Variants in SLC45A4 observed in about 807,000 individuals in gnomAD.
The protein encoded by SLC45A4 is solute carrier family 45 member 4, also known as polyamine-transporter SLC45A4.
SLC45A4 carries 32 observed loss-of-function variants against 63.7 expected under a neutral mutation model. The ratio of observed to expected loss-of-function variants is 0.50; its 90% CI spans 0.38 to 0.67. The LOEUF (loss-of-function observed/expected upper bound fraction) is 0.67, where lower values mean the gene tolerates loss of function less well. SLC45A4 is among the 30% of genes least tolerant of loss of function. The pLI, the probability that SLC45A4 is intolerant of heterozygous loss-of-function variation, is 0.00. For missense variants in SLC45A4, 1,027 were observed against 1,157.7 expected, an observed-to-expected ratio of 0.89 and a Z score of 1.64; for synonymous variants, 535 against 510.0, an observed-to-expected ratio of 1.05 and a Z score of -0.66.
chr8:141,302,286 GGCTT>G lies in SLC45A4; in HGVS notation c.-401+5806_-401+5809del, dbSNP rs202178637. Among the ~76,000 whole-genome samples, 244 of 152,178 alleles carry G rather than the reference GGCTT, an allele frequency of 1.6e-3. 3 individuals carry two copies. The East Asian group carries it at 0.032, about 20-fold the overall frequency. On this transcript the variant is annotated intron_variant, in intron 1 of 8. Coordinates refer to ENST00000517878, the MANE Select transcript of SLC45A4 (RefSeq NM_001286646.2). ...TTTTTGTTTTTTAGATGGAGACAGA[GGCTT>G]GCTCTTTCGCTCAGGCTGGAGTGAA...
intron 1 of SLC45A4, among the ~76,000 whole-genome samples, chr8:141,293,575 T>C (rs1830434533): frequency 6.6e-6 from 1 of 152,200 alleles, no homozygotes; most frequent in Non-Finnish European, 1.5e-5. Context: ...CTTAGAGTGT[T>C]GGGACAAGGG....
intron 1 of SLC45A4, among the ~76,000 whole-genome samples, chr8:141,282,914 C>T (rs751873374): frequency 6.6e-6 from 1 of 152,234 alleles, no homozygotes. Flanking sequence ...AGGGGTCACA[C>T]GATGTCAGCG....
At chr8:141,258,498 G>T (rs571039522) in intron 1 of SLC45A4, among the ~76,000 whole-genome samples, 1 of 152,306 alleles carries the variant, frequency 6.6e-6, no homozygotes, top group East Asian at 1.9e-4. Flanking sequence ...CTCTCACATG[G>T]AGCATGGACT....
intron 1 of SLC45A4, among the ~76,000 whole-genome samples, chr8:141,304,317 G>A (rs987319677): frequency 4.6e-5 from 7 of 151,944 alleles, no homozygotes; most frequent in Non-Finnish European, 7.4e-5. Context: ...CCAGCACTTC[G>A]GGAGGCCCAG....
intron 2 of SLC45A4, among the ~76,000 whole-genome samples, chr8:141,247,430 T>C (rs2154614574): frequency 6.6e-6 from 1 of 152,356 alleles, no homozygotes; most frequent in African/African-American, 2.4e-5. Context: ...AGATATATTA[T>C]GTTCATGGAT....
chr8:141,220,641 C>T (rs1479529728), intron 3 of SLC45A4, among the ~76,000 whole-genome samples: 1 of 152,264 alleles, frequency 6.6e-6, no homozygotes, highest in African/African-American at 2.4e-5. Flanking sequence ...ACAGACACAC[C>T]TGTCCGTGGG....
At chr8:141,236,835 AC>A (rs1205609087) in intron 2 of SLC45A4, among the ~76,000 whole-genome samples, 1 of 152,228 alleles carries the variant, frequency 6.6e-6, no homozygotes, top group African/African-American at 2.4e-5. Flanking sequence ...TCAGAGAGCC[AC>A]TGGGCGGTGC....
intron 1 of SLC45A4, among the ~76,000 whole-genome samples, chr8:141,288,825 G>A (rs970288416): frequency 3.9e-5 from 6 of 152,198 alleles, no homozygotes; most frequent in Non-Finnish European, 8.8e-5. Context: ...GGAAGACGAG[G>A]GCAAGGGGCA....
At chr8:141,287,701 G>A (rs535724248) in intron 1 of SLC45A4, among the ~76,000 whole-genome samples, 9 of 152,220 alleles carry the variant, frequency 5.9e-5, no homozygotes, top group Non-Finnish European at 1.2e-4. Flanking sequence ...CTGCCACCCC[G>A]TTCAAGAGCT....
intron 5 of SLC45A4, 28 bp from the exon 6 acceptor site, chr8:141,217,217 C>G (rs374591150): frequency 6.2e-7 from 1 of 1,607,666 alleles, no homozygotes; most frequent in African/African-American, 1.3e-5. Context: ...CGGGGGCTGA[C>G]GAGGGCATCT....
intron 1 of SLC45A4, among the ~76,000 whole-genome samples, chr8:141,302,319 G>A (rs1294346901): frequency 6.6e-6 from 1 of 152,022 alleles, no homozygotes; most frequent in Non-Finnish European, 1.5e-5. Flanking sequence ...GAGTGAAGTG[G>A]CGCAATCTTG....
intron 1 of SLC45A4, among the ~76,000 whole-genome samples, chr8:141,293,510 G>A (rs970721874): frequency 5.9e-5 from 9 of 152,290 alleles, no homozygotes; most frequent in Non-Finnish European, 1.3e-4. Flanking sequence ...AGTGCAGGGT[G>A]GAATCCGCAA....
At chr8:141,263,959 T>C (rs1829154402) in intron 1 of SLC45A4, among the ~76,000 whole-genome samples, 1 of 152,058 alleles carries the variant, frequency 6.6e-6, no homozygotes, top group South Asian at 2.1e-4. Flanking sequence ...CTGGCCACTC[T>C]GAAAGGAAAG....
intron 2 of SLC45A4, chr8:141,228,586 C>T: frequency 8.6e-7 from 1 of 1,169,148 alleles, no homozygotes; most frequent in Non-Finnish European, 1.1e-6. Context: ...CACAGCCACC[C>T]ATTCTCGGCT....
At chr8:141,282,258 G>C (rs1829980757) in intron 1 of SLC45A4, among the ~76,000 whole-genome samples, 1 of 152,220 alleles carries the variant, frequency 6.6e-6, no homozygotes, top group Admixed American at 6.5e-5. Context: ...AGAGGACAAT[G>C]ACACGTGAGC....
chr8:141,217,108 T>C lies in SLC45A4; in HGVS notation c.1711A>G (p.Thr571Ala). 1 of 1,613,956 alleles carries C rather than the reference T, an allele frequency of 6.2e-7. No individual in the cohort carries two copies. The change falls in exon 6 of 9, where the codon ACT (threonine) becomes GCT (alanine). Residue 571 changes from threonine to alanine, a missense_variant. Coordinates refer to ENST00000517878, the MANE Select transcript of SLC45A4 (RefSeq NM_001286646.2). ...GCWGLVIYAA[T>A]GAICSALLQK... ...CTCTTACCTGAACAAATAGCACCAG[T>C]GGCGGCATAAATGACCAGGCCCCAG...
chr8:141,290,952 G>A (rs530608303), intron 1 of SLC45A4, among the ~76,000 whole-genome samples: 2 of 152,352 alleles, frequency 1.3e-5, no homozygotes, highest in East Asian at 1.9e-4. Context: ...GGGCTCAAGC[G>A]ATTCTCCTGC....
rs113490695 is a variant in SLC45A4, at chr8:141,237,602, G to A, written c.242-15837C>T. On this transcript the variant is annotated intron_variant, in intron 2 of 8. Transcript: ENST00000517878. Reference sequence around the variant, plus strand: ...TAATCTTTCTCCTCCAGACCTGGAGGGCCTCCAGGGCAAAAATCACAACCC... The same window carrying A: ...TAATCTTTCTCCTCCAGACCTGGAGAGCCTCCAGGGCAAAAATCACAACCC... Among the ~76,000 whole-genome samples the A allele has an allele frequency of 4.9e-3, 743 of 152,084 alleles. 11 individuals carry two copies. Among genetic ancestry groups the A allele is most frequent in the African/African-American group, 0.017 (701 of 41,472 alleles).
chr8:141,270,160 C>T (rs1160848963), intron 1 of SLC45A4, among the ~76,000 whole-genome samples: 1 of 152,050 alleles, frequency 6.6e-6, no homozygotes, highest in Non-Finnish European at 1.5e-5. Flanking sequence ...CGCAGGCACC[C>T]AGATGGTCTT....
Sources: allele counts gnomAD v4.1 joint callset (sites outside exome capture counted in the v4.1 genomes callset), GRCh38; gene constraint gnomAD v4.1.1; transcripts MANE v1.5; gene names NCBI Gene and HGNC (gene_info 2026-07-23, HGNC 2026-07-21).